Variants in FBLN7 observed in about 807,000 individuals in gnomAD.
FBLN7 encodes fibulin-7.
A neutral mutation model predicts 44.0 loss-of-function variants in FBLN7; 31 were observed. The observed-to-expected ratio is 0.70, with a 90% confidence interval of 0.53 to 0.95. The LOEUF is 0.95. FBLN7 is among the 40% of genes least tolerant of loss of function. The pLI is 0.00. For missense variants in FBLN7, 573 were observed against 618.5 expected, an observed-to-expected ratio of 0.93 and a Z score of 0.78; for synonymous variants, 262 against 253.4, an observed-to-expected ratio of 1.03 and a Z score of -0.32.
At chr2:112,159,944 C>A in intron 2 of FBLN7, 109 bp downstream of exon 2, 1 of 867,258 alleles carries the variant, frequency 1.2e-6, no homozygotes, top group Non-Finnish European at 1.5e-6. Context: ...TCCCCCATCA[C>A]CTTCCATCTT....
the FBLN7 span, among the ~76,000 whole-genome samples, chr2:112,239,795 G>C: frequency 1.3e-5 from 2 of 152,090 alleles, no homozygotes; most frequent in African/African-American, 4.8e-5. Flanking sequence ...CTATTGGCCA[G>C]GCTGGTCCTG....
At chr2:112,169,914 G>T (rs1682361717) in intron 3 of FBLN7, among the ~76,000 whole-genome samples, 1 of 152,158 alleles carries the variant, frequency 6.6e-6, no homozygotes. Context: ...AGAGCAGGTA[G>T]TTGGGCAGCA....
chr2:112,238,295 T>C, the FBLN7 span: 2 of 1,606,972 alleles, frequency 1.2e-6, no homozygotes, highest in East Asian at 2.2e-5. Flanking sequence ...CTTTAAATGA[T>C]AAAATAGTTT....
At chr2:112,196,494 C>T in the FBLN7 span, among the ~76,000 whole-genome samples, 1 of 150,088 alleles carries the variant, frequency 6.7e-6, no homozygotes, top group Admixed American at 6.7e-5. Flanking sequence ...CAGTCTCCAC[C>T]TCTCAGGCTC....
At chr2:112,146,244 C>A (rs562055598) in intron 1 of FBLN7, among the ~76,000 whole-genome samples, 1 of 152,166 alleles carries the variant, frequency 6.6e-6, no homozygotes, top group East Asian at 1.9e-4. Flanking sequence ...TGCTTGAACC[C>A]GGGAGGCAGA....
At chr2:112,155,026 A>T (rs1236631845) in intron 1 of FBLN7, among the ~76,000 whole-genome samples, 2 of 152,170 alleles carry the variant, frequency 1.3e-5, no homozygotes, top group Non-Finnish European at 2.9e-5. Context: ...TTGAAACCCA[A>T]CGAAAAGTTA....
downstream of FBLN7, chr2:112,190,159 G>C (rs1444620255): frequency 6.6e-6 from 1 of 152,138 alleles, no homozygotes; most frequent in Non-Finnish European, 1.5e-5. Flanking sequence ...TATAAATCTA[G>C]AGAGTTAGTC....
the FBLN7 span, among the ~76,000 whole-genome samples, chr2:112,220,163 G>A: frequency 6.6e-6 from 1 of 152,282 alleles, no homozygotes; most frequent in South Asian, 2.1e-4. Flanking sequence ...GGTTAGTATT[G>A]ATACATGCAG....
the FBLN7 span, among the ~76,000 whole-genome samples, chr2:112,242,798 A>G: frequency 4.6e-5 from 7 of 152,368 alleles, no homozygotes; most frequent in Non-Finnish European, 1.0e-4. Flanking sequence ...GATTAAAATT[A>G]TTCTTTTTTA....
chr2:112,183,331 C>T (rs965638512), intron 6 of FBLN7, among the ~76,000 whole-genome samples: 1 of 152,194 alleles, frequency 6.6e-6, no homozygotes, highest in Non-Finnish European at 1.5e-5. Context: ...GTAAGTCCAC[C>T]TCTGAAAGGG....
chr2:112,240,205 A>G, the FBLN7 span, among the ~76,000 whole-genome samples: 3 of 152,098 alleles, frequency 2.0e-5, no homozygotes, highest in Non-Finnish European at 4.4e-5. Context: ...CAGCTTCACC[A>G]CCTGTTTCTG....
chr2:112,236,823 G>C, the FBLN7 span: 1 of 875,136 alleles, frequency 1.1e-6, no homozygotes, highest in Non-Finnish European at 1.7e-6. Context: ...GAGGCAGGAG[G>C]ACTGCTCAAA....
At chr2:112,178,257 C>CAAAAAAAAAAAAAAAAA (rs112844069) in intron 4 of FBLN7, among the ~76,000 whole-genome samples, 1 of 123,832 alleles carries the variant, frequency 8.1e-6, no homozygotes, top group Non-Finnish European at 1.7e-5. Context: ...ACAAGAAATA[C>CAAAAAAAAAAAAAAAAA]AAAAAAAAAA....
At chr2:112,149,886 T>C (rs904368017) in intron 1 of FBLN7, among the ~76,000 whole-genome samples, 1 of 152,234 alleles carries the variant, frequency 6.6e-6, no homozygotes, top group African/African-American at 2.4e-5. Context: ...TAGGAAAATG[T>C]GTTCCTCTCT....
the FBLN7 span, among the ~76,000 whole-genome samples, chr2:112,207,568 T>C: frequency 6.6e-6 from 1 of 152,322 alleles, no homozygotes; most frequent in African/African-American, 2.4e-5. Flanking sequence ...AGTTCTTCTA[T>C]ATATTTGTTC....
At chr2:112,197,049 CCCATGACA>C in the FBLN7 span, among the ~76,000 whole-genome samples, 1 of 152,040 alleles carries the variant, frequency 6.6e-6, no homozygotes, top group Non-Finnish European at 1.5e-5. Context: ...CCAGGTCCCT[CCCATGACA>C]CATGGGAATT....
intron 1 of FBLN7, among the ~76,000 whole-genome samples, chr2:112,154,213 G>A (rs1681302862): frequency 6.6e-6 from 1 of 152,184 alleles, no homozygotes; most frequent in Non-Finnish European, 1.5e-5. Context: ...TTTCAAAGAA[G>A]TTATTAATTC....
chr2:112,172,609 C>T (rs937432661), intron 3 of FBLN7, among the ~76,000 whole-genome samples: 1 of 148,072 alleles, frequency 6.8e-6, no homozygotes, highest in South Asian at 2.2e-4. Context: ...GTATGGAATT[C>T]ACCTTTTCTT....
At chr2:112,174,531 C>A (rs1467226147) in intron 3 of FBLN7, among the ~76,000 whole-genome samples, 5 of 152,144 alleles carry the variant, frequency 3.3e-5, no homozygotes, top group Non-Finnish European at 7.3e-5. Flanking sequence ...ACAGGAAAGG[C>A]TGCTTTTATG....
Sources: gnomAD v4.1 joint callset for allele counts (sites outside exome capture counted in the v4.1 genomes callset) on GRCh38, gnomAD v4.1.1 for gene constraint, MANE v1.5 for transcripts, NCBI Gene and HGNC (gene_info 2026-07-23, HGNC 2026-07-21) for gene names.